The following BRI3BP variants were observed in gnomAD, a reference collection of about 807,000 sequenced individuals.
BRI3BP encodes BRI3-binding protein.
In BRI3BP, 7 loss-of-function variants were observed where a neutral mutation model predicts 15.8. The ratio of observed to expected loss-of-function variants is 0.44; its 90% CI spans 0.25 to 0.83. The LOEUF is 0.83. Ranked by LOEUF, BRI3BP falls within the 40% of genes least tolerant of loss-of-function variation. BRI3BP has a pLI of 0.20. For missense variants in BRI3BP, 320 were observed against 339.3 expected (o/e 0.94, Z 0.45); for synonymous variants, 192 against 163.5 (o/e 1.17, Z -1.33).
At chr12:125,032,319 G>T (rs11058004), downstream of BRI3BP, among the ~76,000 whole-genome samples, 1 of 151,984 alleles carries the variant, frequency 6.6e-6, no homozygotes, top group South Asian at 2.1e-4. Context: ...TTAGCCGGGC[G>T]TGGTGGCAAG....
intron 1 of BRI3BP, among the ~76,000 whole-genome samples, chr12:125,009,992 C>G (rs1454300933): frequency 6.6e-6 from 1 of 152,004 alleles, no homozygotes; most frequent in Non-Finnish European, 1.5e-5. Flanking sequence ...ATTCCAGCTA[C>G]TCAGGAGGCT....
chr12:125,039,654 G>GT, the BRI3BP span, among the ~76,000 whole-genome samples: 82,443 of 149,724 alleles, frequency 0.55, 23,867 homozygotes, highest in East Asian at 0.69. Context: ...TTCCAATAGG[G>GT]TTTTTTTTTT....
chr12:125,008,880 G>A (rs149078759), intron 1 of BRI3BP, among the ~76,000 whole-genome samples: 37 of 152,180 alleles, frequency 2.4e-4, no homozygotes, highest in Non-Finnish European at 4.1e-4. Context: ...TGGGGGTGAC[G>A]CGGACAGTGG....
Position 125,025,791 on chromosome 12 carries a change from A to T in BRI3BP, c.*361A>T. The T allele has an allele frequency of 5.6e-6, 1 of 179,098 alleles. No homozygotes were observed. The highest frequency in any genetic ancestry group is 1.2e-5 in the Non-Finnish European group (1 of 86,336). The allele number at this position is 179,098 out of a possible 1,614,324, so 11.1% of individuals were successfully genotyped here. A position where few individuals can be genotyped will look rare whatever the true frequency, so the allele number is the denominator to read the frequency against. On this transcript the variant is annotated 3_prime_UTR_variant, in exon 3 of 3. Transcript: ENST00000341446. ...TTGTAAGGTTTTTTAATAAAGGCAG[A>T]TTGAGTCAAGTTTATTAAAACTTTA... is the stretch of plus-strand genomic sequence containing the variant.
chr12:125,046,660 T>G, the BRI3BP span, among the ~76,000 whole-genome samples: 1 of 152,220 alleles, frequency 6.6e-6, no homozygotes, highest in African/African-American at 2.4e-5. Context: ...AGCTGTGAGC[T>G]CAGGCTAAAT....
At chr12:124,999,239 T>G (rs1027843170) in intron 1 of BRI3BP, among the ~76,000 whole-genome samples, 3 of 152,168 alleles carry the variant, frequency 2.0e-5, no homozygotes, top group African/African-American at 7.2e-5. Flanking sequence ...CGTAGTTGCA[T>G]GGAATACAAT....
the BRI3BP span, among the ~76,000 whole-genome samples, chr12:125,046,776 G>A: frequency 1.5e-4 from 23 of 152,064 alleles, no homozygotes; most frequent in African/African-American, 4.8e-4. Flanking sequence ...ATTTTAATTC[G>A]GCTATGGATC....
chr12:125,047,392 C>G, the BRI3BP span, among the ~76,000 whole-genome samples: 1 of 152,114 alleles, frequency 6.6e-6, no homozygotes, highest in Admixed American at 6.6e-5. Context: ...CCAGGATGGT[C>G]TCGATCTCCT....
chr12:125,001,505 A>G (rs148827137), intron 1 of BRI3BP, among the ~76,000 whole-genome samples: 348 of 152,198 alleles, frequency 2.3e-3, no homozygotes, highest in Middle Eastern at 6.8e-3. Context: ...GCTTACAAGC[A>G]TGTGCCACCA....
intron 1 of BRI3BP, among the ~76,000 whole-genome samples, chr12:124,998,232 C>T (rs553978553): frequency 6.6e-6 from 1 of 152,066 alleles, no homozygotes; most frequent in African/African-American, 2.4e-5. Context: ...GCTGACGTTG[C>T]GGTGAGGTTG....
the BRI3BP span, among the ~76,000 whole-genome samples, chr12:125,044,524 A>G: frequency 6.7e-6 from 1 of 149,116 alleles, no homozygotes; most frequent in South Asian, 2.1e-4. Context: ...ATCTTGGCTC[A>G]CTGTAAACTC....
intron 1 of BRI3BP, among the ~76,000 whole-genome samples, chr12:125,010,844 A>G (rs1446325968): frequency 6.6e-6 from 1 of 152,068 alleles, no homozygotes; most frequent in Non-Finnish European, 1.5e-5. Flanking sequence ...CTATAATCCC[A>G]GCACTTTGGG....
chr12:125,000,428 C>T (rs956243557), intron 1 of BRI3BP, among the ~76,000 whole-genome samples: 10 of 149,902 alleles, frequency 6.7e-5, no homozygotes, highest in East Asian at 3.9e-4. Flanking sequence ...TTTCCCCTGC[C>T]TCAGCCTCCC....
At chr12:125,043,330 C>T in the BRI3BP span, among the ~76,000 whole-genome samples, 21 of 152,112 alleles carry the variant, frequency 1.4e-4, no homozygotes, top group African/African-American at 5.1e-4. Context: ...ACGTCTACCC[C>T]AGAATCTTGA....
At chr12:125,033,516 T>A (rs539264618), downstream of BRI3BP, among the ~76,000 whole-genome samples, 1 of 152,250 alleles carries the variant, frequency 6.6e-6, no homozygotes, top group African/African-American at 2.4e-5. Context: ...TCTTCCATCC[T>A]TCCCCTCCTG....
chr12:125,012,839 A>T (rs772133817), intron 2 of BRI3BP, among the ~76,000 whole-genome samples: 26 of 152,126 alleles, frequency 1.7e-4, no homozygotes, highest in Non-Finnish European at 5.9e-5. Flanking sequence ...GCACTTTGGG[A>T]GACCAAGGTG....
the BRI3BP span, among the ~76,000 whole-genome samples, chr12:125,048,030 A>G: frequency 6.6e-6 from 1 of 152,026 alleles, no homozygotes; most frequent in Admixed American, 6.6e-5. Flanking sequence ...AAAAAAAAAA[A>G]AAAAAGATTT....
At chr12:125,024,548 C>CCAG (rs1955331376) in intron 2 of BRI3BP, among the ~76,000 whole-genome samples, 1 of 152,082 alleles carries the variant, frequency 6.6e-6, no homozygotes, top group Admixed American at 6.5e-5. Flanking sequence ...GCCTGTAATC[C>CCAG]CAGCACTTTG....
intron 1 of BRI3BP, among the ~76,000 whole-genome samples, chr12:125,009,823 C>T (rs536084675): frequency 4.7e-5 from 7 of 150,424 alleles, no homozygotes; most frequent in South Asian, 2.3e-4. Context: ...GGACATCGGC[C>T]GGGCATGGTG....
Sources: gnomAD v4.1 joint callset for allele counts (sites outside exome capture counted in the v4.1 genomes callset) on GRCh38, gnomAD v4.1.1 for gene constraint, MANE v1.5 for transcripts, NCBI Gene and HGNC (gene_info 2026-07-23, HGNC 2026-07-21) for gene names.